The following RCAN2 variants were observed in gnomAD, a reference collection of about 807,000 sequenced individuals.
RCAN2 encodes the protein calcipressin-2.
A neutral mutation model predicts 23.6 loss-of-function variants in RCAN2; 9 were observed. The observed-to-expected ratio is 0.38, with a 90% confidence interval of 0.23 to 0.67. The LOEUF (loss-of-function observed/expected upper bound fraction) is 0.67, where lower values mean the gene tolerates loss of function less well. Ranked by LOEUF, RCAN2 falls within the 30% of genes least tolerant of loss-of-function variation. The pLI is 0.51. For missense variants in RCAN2, 273 were observed against 302.3 expected (o/e 0.90, Z 0.72); for synonymous variants, 109 against 115.7 (o/e 0.94, Z 0.37).
chr6:46,426,822 T>C (rs1157984193), intron 2 of RCAN2, among the ~76,000 whole-genome samples: 1 of 152,222 alleles, frequency 6.6e-6, no homozygotes, highest in African/African-American at 2.4e-5. Context: ...ATGGAGTGTT[T>C]AAGTAACTTG....
intron 2 of RCAN2, among the ~76,000 whole-genome samples, chr6:46,366,694 G>T (rs937932145): frequency 6.6e-6 from 1 of 151,878 alleles, no homozygotes. Flanking sequence ...CACCTGGCCT[G>T]ACTTCAGCAG....
At chr6:46,481,580 T>C (rs1301072006) in intron 1 of RCAN2, among the ~76,000 whole-genome samples, 3 of 152,230 alleles carry the variant, frequency 2.0e-5, no homozygotes, top group Admixed American at 1.3e-4. Flanking sequence ...CTGAAAATTG[T>C]ATGCATTTGC....
chr6:46,392,101 C>A (rs1277044962), intron 2 of RCAN2, among the ~76,000 whole-genome samples: 3 of 152,164 alleles, frequency 2.0e-5, no homozygotes, highest in Admixed American at 6.5e-5. Context: ...CCATATGCTT[C>A]TCTCCTTTAG....
intron 2 of RCAN2, among the ~76,000 whole-genome samples, chr6:46,272,601 G>A (rs1424203333): frequency 6.6e-6 from 1 of 152,030 alleles, no homozygotes; most frequent in African/African-American, 2.4e-5. Flanking sequence ...AAAACAATTG[G>A]AAAAAGATAC....
intron 2 of RCAN2, among the ~76,000 whole-genome samples, chr6:46,295,122 T>A (rs561098567): frequency 6.6e-6 from 1 of 152,098 alleles, no homozygotes; most frequent in South Asian, 2.1e-4. Context: ...GACTTGCAAA[T>A]TCTTGGTGGA....
intron 1 of RCAN2, among the ~76,000 whole-genome samples, chr6:46,472,010 T>C (rs1325649077): frequency 6.6e-6 from 1 of 152,158 alleles, no homozygotes; most frequent in Non-Finnish European, 1.5e-5. Context: ...CTTCCTCGCA[T>C]TGTTCTGTAA....
At chr6:46,270,513 G>A (rs879148611) in intron 2 of RCAN2, among the ~76,000 whole-genome samples, 16 of 152,152 alleles carry the variant, frequency 1.1e-4, no homozygotes, top group South Asian at 8.3e-4. Flanking sequence ...GTATTTACTC[G>A]TTGTGTGTGA....
intron 1 of RCAN2, among the ~76,000 whole-genome samples, chr6:46,474,819 T>C (rs1366677188): frequency 6.6e-6 from 1 of 152,016 alleles, no homozygotes; most frequent in Admixed American, 6.5e-5. Flanking sequence ...CAATTGGGGG[T>C]GAGTAGCTGG....
chr6:46,302,487 T>G (rs952314375), intron 2 of RCAN2, among the ~76,000 whole-genome samples: 4 of 152,102 alleles, frequency 2.6e-5, no homozygotes, highest in African/African-American at 9.7e-5. Context: ...TTAGATTTGC[T>G]GTGATTGCAT....
chr6:46,477,052 C>A (rs1768733066), intron 1 of RCAN2, among the ~76,000 whole-genome samples: 1 of 152,254 alleles, frequency 6.6e-6, no homozygotes, highest in Middle Eastern at 3.4e-3. Context: ...CAAGCATGGG[C>A]CAGGAGGGTG....
chr6:46,345,831 C>CT (rs1292913884), intron 2 of RCAN2, among the ~76,000 whole-genome samples: 1 of 152,046 alleles, frequency 6.6e-6, no homozygotes, highest in Non-Finnish European at 1.5e-5. Context: ...ATCAATGTTA[C>CT]TTTTTTCACT....
At chr6:46,231,358 T>C (rs1765880577) in intron 4 of RCAN2, among the ~76,000 whole-genome samples, 1 of 152,004 alleles carries the variant, frequency 6.6e-6, no homozygotes, top group Admixed American at 6.6e-5. Flanking sequence ...AACTTCTAAC[T>C]TCCAGAACGG....
At chr6:46,309,394 A>C (rs569669879) in intron 2 of RCAN2, among the ~76,000 whole-genome samples, 3 of 152,182 alleles carry the variant, frequency 2.0e-5, no homozygotes, top group Non-Finnish European at 4.4e-5. Flanking sequence ...GGGGTTAAAA[A>C]AAGGAGACAT....
chr6:46,325,872 G>C (rs981945894), intron 2 of RCAN2: 2 of 985,096 alleles, frequency 2.0e-6, no homozygotes, highest in African/African-American at 1.7e-5. Flanking sequence ...TGTTGCAGCC[G>C]AGTGCTTATG....
intron 1 of RCAN2, among the ~76,000 whole-genome samples, chr6:46,460,906 T>C (rs553459554): frequency 1.1e-4 from 17 of 152,294 alleles, no homozygotes; most frequent in African/African-American, 3.9e-4. Context: ...CTCATTTAAA[T>C]GTAAAGGTTT....
rs533131628 is a variant in RCAN2 at position 46,222,077 on chromosome 6, G to T, written c.*1064C>A. On this transcript the variant is annotated 3_prime_UTR_variant, in exon 5 of 5. Transcript: ENST00000371374. Reference sequence around the variant, plus strand: ...TTGCATCTTTATTTAAAAACAAGTGGTCTTGATAGCAAAGATGTTGGCTAA... The same window carrying T: ...TTGCATCTTTATTTAAAAACAAGTGTTCTTGATAGCAAAGATGTTGGCTAA... The T allele has an allele frequency of 2.5e-6, 1 of 398,154 alleles. No individual in the cohort carries two copies. The highest frequency in any genetic ancestry group is 4.4e-6 in the Non-Finnish European group (1 of 225,658). The allele number at this position is 398,154 out of a possible 1,614,324, so 24.7% of individuals were successfully genotyped here. A position where few individuals can be genotyped will look rare whatever the true frequency, so the allele number is the denominator to read the frequency against.
chr6:46,420,295 C>T (rs1275871765), intron 2 of RCAN2, among the ~76,000 whole-genome samples: 1 of 152,006 alleles, frequency 6.6e-6, no homozygotes, highest in Non-Finnish European at 1.5e-5. Context: ...TACAGACTAC[C>T]GTGTGCAAGA....
chr6:46,243,809 C>CAAAAAAAAA (rs376524527), intron 4 of RCAN2, among the ~76,000 whole-genome samples: 1 of 55,026 alleles, frequency 1.8e-5, no homozygotes, highest in Non-Finnish European at 3.0e-5. Flanking sequence ...GATTCTGTCT[C>CAAAAAAAAA]AAAAAAAAAA....
chr6:46,458,901 G>GTT (rs1768132500), intron 1 of RCAN2, among the ~76,000 whole-genome samples: 1 of 150,694 alleles, frequency 6.6e-6, no homozygotes, highest in South Asian at 2.1e-4. Flanking sequence ...GCGCACGTGT[G>GTT]TGTGTGTGTG....
Sources: allele counts gnomAD v4.1 joint callset (sites outside exome capture counted in the v4.1 genomes callset), GRCh38; gene constraint gnomAD v4.1.1; transcripts MANE v1.5; gene names NCBI Gene and HGNC (gene_info 2026-07-23, HGNC 2026-07-21).